Variants in SLC5A3 observed in about 807,000 individuals in gnomAD.
The protein encoded by SLC5A3 is sodium/myo-inositol cotransporter.
Under a neutral mutation model 43.2 loss-of-function variants are expected in SLC5A3, and 10 were observed. The ratio of observed to expected loss-of-function variants is 0.23; its 90% CI spans 0.14 to 0.39. SLC5A3 has a LOEUF of 0.39. SLC5A3 is among the 10% of genes least tolerant of loss of function. The pLI, the probability that SLC5A3 is intolerant of heterozygous loss-of-function variation, is 1.00. For synonymous variants in SLC5A3, 349 were observed against 322.0 expected, an observed-to-expected ratio of 1.08 and a Z score of -0.90; for missense variants, 608 against 893.4, an observed-to-expected ratio of 0.68 and a Z score of 4.07.
chr21:34,101,697 G>T lies in SLC5A3; in HGVS notation c.*4342G>T. 1.0e-6 allele frequency: 1 copy of T among 999,656 alleles called. No homozygotes were observed. 61.9% of individuals were successfully genotyped at this position (999,656 alleles called of 1,614,324 possible). A position where few individuals can be genotyped will look rare whatever the true frequency, so the allele number is the denominator to read the frequency against. ...GCATGGTGTGTGAAAGTGATGTTTTGCCCCAGTATTGAGGACTTTTAGATC... is the reference window on the plus strand; with the variant it reads ...GCATGGTGTGTGAAAGTGATGTTTTTCCCCAGTATTGAGGACTTTTAGATC... On this transcript the variant is annotated 3_prime_UTR_variant, in exon 2 of 2. Transcript: ENST00000381151.
intron 1 of SLC5A3, among the ~76,000 whole-genome samples, chr21:34,075,497 AAAT>A: frequency 6.6e-6 from 1 of 152,298 alleles, no homozygotes; most frequent in African/African-American, 2.4e-5. Flanking sequence ...AATTTGGTTA[AAAT>A]AATAAATAAC....
At chr21:34,084,937 C>T (rs562279120) in intron 1 of SLC5A3, among the ~76,000 whole-genome samples, 23 of 152,052 alleles carry the variant, frequency 1.5e-4, no homozygotes, top group African/African-American at 4.6e-4. Context: ...TTTTAATCTG[C>T]GTTATTTTGA....
chr21:34,087,696 A>G (rs965522643), intron 1 of SLC5A3, among the ~76,000 whole-genome samples: 7 of 152,248 alleles, frequency 4.6e-5, no homozygotes, highest in Non-Finnish European at 7.3e-5. Context: ...AGCCAGTCCC[A>G]GAGGCTAGTT....
rs11088274 is a variant in SLC5A3, at chr21:34,103,730, A to G, written c.*6375A>G. The G allele has an allele frequency of 5.0e-3, 4,957 of 1,000,040 alleles. 157 individuals carry two copies. In the African/African-American group the frequency reaches 0.073, roughly 15 times the overall value. The allele number at this position is 1,000,040 out of a possible 1,614,324, so 61.9% of individuals were successfully genotyped here. On this transcript the variant is annotated 3_prime_UTR_variant, in exon 2 of 2. Transcript: ENST00000381151. Reference sequence around the variant, plus strand: ...ATTGATAAGCCCAAGACAATGCGGTATCTAAACTGGTCCTAATGGTAAGGG... The same window carrying G: ...ATTGATAAGCCCAAGACAATGCGGTGTCTAAACTGGTCCTAATGGTAAGGG...
At chr21:34,091,697 A>G (rs1978702370) in intron 1 of SLC5A3, among the ~76,000 whole-genome samples, 1 of 152,230 alleles carries the variant, frequency 6.6e-6, no homozygotes, top group Non-Finnish European at 1.5e-5. Context: ...GCAAAACAAT[A>G]AAATACTACT....
At position 34,073,759 on chromosome 21, in the gene SLC5A3, C is replaced by A; in HGVS notation, c.-337+14C>A. 7 of 1,504,402 alleles carry A rather than the reference C, an allele frequency of 4.7e-6. No homozygotes were observed. The highest frequency in any genetic ancestry group is 6.2e-6 in the Non-Finnish European group (7 of 1,120,172). 93.2% of individuals were successfully genotyped at this position (1,504,402 alleles called of 1,614,324 possible). ...GCCATGCAGCGGGTAAGTGACCTTC[C>A]CTCAGAGCCGGTCTTCCCGCGCGGG... is the stretch of plus-strand genomic sequence containing the variant. On this transcript the variant is annotated intron_variant, in intron 1 of 1. Coordinates refer to ENST00000381151, the MANE Select transcript of SLC5A3 (RefSeq NM_006933.7).
At chr21:34,093,607 ATTC>A (rs1428121392) in intron 1 of SLC5A3, among the ~76,000 whole-genome samples, 1 of 152,130 alleles carries the variant, frequency 6.6e-6, no homozygotes, top group Non-Finnish European at 1.5e-5. Context: ...ATGGAAAAAC[ATTC>A]TTCTCTGAGG....
intron 1 of SLC5A3, among the ~76,000 whole-genome samples, chr21:34,076,130 A>G (rs1989324760): frequency 6.6e-6 from 1 of 152,190 alleles, no homozygotes; most frequent in South Asian, 2.1e-4. Flanking sequence ...TGTGTTAGGC[A>G]ACTTTAACAG....
intron 1 of SLC5A3, among the ~76,000 whole-genome samples, chr21:34,088,089 C>T (rs1422608703): frequency 6.6e-6 from 1 of 152,162 alleles, no homozygotes; most frequent in East Asian, 1.9e-4. Context: ...CCATTAAGAG[C>T]AGTTGTCCAT....
intron 1 of SLC5A3, among the ~76,000 whole-genome samples, chr21:34,092,083 A>C (rs1294750473): frequency 6.6e-6 from 1 of 151,598 alleles, no homozygotes; most frequent in Non-Finnish European, 1.5e-5. Flanking sequence ...TGCTCATTGT[A>C]TTTTGTTGAA....
At position 34,099,562 on chromosome 21, in the gene SLC5A3, T is replaced by C. The variant is rs1979137522; in HGVS notation, c.*2207T>C. On this transcript the variant is annotated 3_prime_UTR_variant, in exon 2 of 2. Coordinates refer to ENST00000381151, the MANE Select transcript of SLC5A3 (RefSeq NM_006933.7). ...ATTGACATATTGGCTGGGCAGCCTA[T>C]CTCTTCCATATCCAGCGTAAATGAA... The C allele has an allele frequency of 1.0e-6, 1 of 999,896 alleles. No individual in the cohort carries two copies. The highest frequency in any genetic ancestry group is 1.2e-6 in the Non-Finnish European group (1 of 829,956). The allele number at this position is 999,896 out of a possible 1,614,324, so 61.9% of individuals were successfully genotyped here. A position where few individuals can be genotyped will look rare whatever the true frequency, so the allele number is the denominator to read the frequency against.
Position 34,103,422 on chromosome 21 carries a change from G to GT in SLC5A3, c.*6070dup. On this transcript the variant is annotated 3_prime_UTR_variant, in exon 2 of 2. Transcript: ENST00000381151. ...GTATTTGTGTTGTAGCCTAAATGTT[G>GT]TTTCTTTTATATCCATTAAAAACTT... The GT allele has an allele frequency of 1.0e-6, 1 of 997,244 alleles. No homozygotes were observed. Among genetic ancestry groups the GT allele is most frequent in the African/African-American group, 1.8e-5 (1 of 57,020 alleles). 61.8% of individuals were successfully genotyped at this position (997,244 alleles called of 1,614,324 possible). A position where few individuals can be genotyped will look rare whatever the true frequency, so the allele number is the denominator to read the frequency against.
intron 1 of SLC5A3, among the ~76,000 whole-genome samples, chr21:34,074,696 A>T (rs1044811464): frequency 6.6e-6 from 1 of 152,198 alleles, no homozygotes; most frequent in African/African-American, 2.4e-5. Context: ...CACCAGGTGT[A>T]ATAAAACAAA....
In SLC5A3 at chr21:34,097,080, G is replaced by A; in HGVS notation, c.1882G>A (p.Val628Ile). 3 of 1,614,106 alleles carry A rather than the reference G, an allele frequency of 1.9e-6. No homozygotes were observed. In the South Asian group the frequency reaches 3.3e-5, roughly 18 times the overall value. Residue 628 changes from valine to isoleucine, a missense_variant, in exon 2 of 2, where the codon GTT (valine) becomes ATT (isoleucine). By Grantham distance (29) the Val-to-Ile change is conservative (BLOSUM62 3). Transcript: ENST00000381151. Reference sequence around the variant, plus strand: ...AGGTCATTCAGAGGCAGAAACACCAGTTGACGCTTACTCCAATGGGCAAGC... The same window carrying A: ...AGGTCATTCAGAGGCAGAAACACCAATTGACGCTTACTCCAATGGGCAAGC... ...SLGHSEAETP[V>I]DAYSNGQAAL...
In SLC5A3 at chr21:34,100,899, G is replaced by T; in HGVS notation, c.*3544G>T. 3 of 1,000,132 alleles carry T rather than the reference G, an allele frequency of 3.0e-6. No homozygotes were observed. The highest frequency in any genetic ancestry group is 3.6e-6 in the Non-Finnish European group (3 of 829,942). 62.0% of individuals were successfully genotyped at this position (1,000,132 alleles called of 1,614,324 possible). On this transcript the variant is annotated 3_prime_UTR_variant, in exon 2 of 2. Transcript: ENST00000381151. ...CTACTCAGTTACTTGCTACTCAAAG[G>T]TTAGGTCTTCCCTGTTCCTGCTTGG...
intron 1 of SLC5A3, among the ~76,000 whole-genome samples, chr21:34,086,901 C>G (rs539853113): frequency 1.3e-5 from 2 of 152,150 alleles, no homozygotes; most frequent in Non-Finnish European, 2.9e-5. Flanking sequence ...GGAATTGTTG[C>G]TTGCCGGCAC....
At chr21:34,093,017 C>T (rs567683892) in intron 1 of SLC5A3, among the ~76,000 whole-genome samples, 7 of 152,328 alleles carry the variant, frequency 4.6e-5, no homozygotes, top group African/African-American at 1.7e-4. Flanking sequence ...TTGTAATTGA[C>T]AAGCTTCCCT....
At chr21:34,084,653 C>G (rs1226509111) in intron 1 of SLC5A3, among the ~76,000 whole-genome samples, 2 of 152,148 alleles carry the variant, frequency 1.3e-5, no homozygotes, top group African/African-American at 4.8e-5. Flanking sequence ...TTCCATTTTA[C>G]AAATGGAAAA....
chr21:34,079,140 A>G (rs573045880), intron 1 of SLC5A3, among the ~76,000 whole-genome samples: 321 of 152,308 alleles, frequency 2.1e-3, no homozygotes, highest in African/African-American at 7.6e-3. Flanking sequence ...CCTGTCACCT[A>G]TATTTTTGTG....
Sources: allele counts gnomAD v4.1 joint callset (sites outside exome capture counted in the v4.1 genomes callset), GRCh38; gene constraint gnomAD v4.1.1; transcripts MANE v1.5; gene names NCBI Gene and HGNC (gene_info 2026-07-23, HGNC 2026-07-21).